The following FARS2 variants were observed in gnomAD, a reference collection of about 807,000 sequenced individuals.
FARS2 encodes phenylalanyl-tRNA synthetase 2, mitochondrial, also known as phenylalanine--tRNA ligase, mitochondrial.
In FARS2, 40 loss-of-function variants were observed where a neutral mutation model predicts 46.4. The observed-to-expected ratio is 0.86, with a 90% CI of 0.67 to 1.12. The LOEUF (loss-of-function observed/expected upper bound fraction) is 1.12. Among genes scored for constraint, FARS2 ranks in the 50% most tolerant of loss-of-function variants. The pLI is 0.00. For missense variants in FARS2, 513 were observed against 567.9 expected (o/e 0.90, Z 0.98); for synonymous variants, 234 against 214.9 (o/e 1.09, Z -0.78).
chr6:5,614,225 C>T (rs1207512090), intron 6 of FARS2, among the ~76,000 whole-genome samples: 1 of 152,134 alleles, frequency 6.6e-6, no homozygotes, highest in Non-Finnish European at 1.5e-5. Flanking sequence ...TGACTGGTCA[C>T]CTTTAAATGG....
At chr6:5,473,085 C>T (rs770286032) in intron 4 of FARS2, among the ~76,000 whole-genome samples, 6 of 152,096 alleles carry the variant, frequency 3.9e-5, no homozygotes, top group Non-Finnish European at 8.8e-5. Flanking sequence ...GTTTTGTTCT[C>T]GTTTAGATGT....
chr6:5,572,171 C>T (rs1389279036), intron 5 of FARS2, among the ~76,000 whole-genome samples: 1 of 152,142 alleles, frequency 6.6e-6, no homozygotes, highest in Non-Finnish European at 1.5e-5. Flanking sequence ...CACAGTTCTG[C>T]TGGCTATTCA....
chr6:5,525,580 A>G (rs1037625272), intron 4 of FARS2, among the ~76,000 whole-genome samples: 11 of 152,232 alleles, frequency 7.2e-5, no homozygotes, highest in African/African-American at 2.2e-4. Flanking sequence ...GTTAGAGTTA[A>G]GTCTTATAAA....
At chr6:5,292,492 G>A (rs1265202738) in intron 1 of FARS2, among the ~76,000 whole-genome samples, 1 of 152,162 alleles carries the variant, frequency 6.6e-6, no homozygotes, top group Non-Finnish European at 1.5e-5. Flanking sequence ...AAGTAATCAG[G>A]CCTGGCCCCT....
At chr6:5,657,956 C>T (rs886409308) in intron 6 of FARS2, among the ~76,000 whole-genome samples, 11 of 152,144 alleles carry the variant, frequency 7.2e-5, no homozygotes, top group African/African-American at 2.4e-4. Flanking sequence ...ATAAAAATGC[C>T]TTCCTCATAA....
At chr6:5,420,284 C>G (rs1459239186) in intron 3 of FARS2, among the ~76,000 whole-genome samples, 1 of 152,142 alleles carries the variant, frequency 6.6e-6, no homozygotes, top group Non-Finnish European at 1.5e-5. Flanking sequence ...CATTCCATCC[C>G]TGGCCCCTCC....
intron 4 of FARS2, among the ~76,000 whole-genome samples, chr6:5,491,034 C>T (rs762637051): frequency 6.6e-6 from 1 of 152,208 alleles, no homozygotes; most frequent in Non-Finnish European, 1.5e-5. Flanking sequence ...AATTTGTTTA[C>T]ACATCAATAG....
intron 2 of FARS2, among the ~76,000 whole-genome samples, chr6:5,384,551 C>G (rs62385366): frequency 6.6e-6 from 1 of 152,048 alleles, no homozygotes; most frequent in Non-Finnish European, 1.5e-5. Context: ...GGTCACTAAG[C>G]AAGGAACTGA....
the FARS2 span, among the ~76,000 whole-genome samples, chr6:5,250,934 T>C: frequency 1.3e-5 from 2 of 152,222 alleles, no homozygotes; most frequent in South Asian, 4.1e-4. Flanking sequence ...TTAAAAAATA[T>C]TTCTGTAATA....
At position 5,613,266 on chromosome 6, in the gene FARS2, T is replaced by A. The variant is rs1407198979; in HGVS notation, c.1163T>A (p.Ile388Asn). 1 of 1,613,622 alleles carries A rather than the reference T, an allele frequency of 6.2e-7. No homozygotes were observed. Among genetic ancestry groups the A allele is most frequent in the Non-Finnish European group, 8.5e-7 (1 of 1,179,740 alleles). Reference protein sequence around the residue: ...ENDFYDLVRTIGGDLVEKVDL... With the variant: ...ENDFYDLVRTNGGDLVEKVDL... ...GATTTCTATGACTTAGTCCGAACAA[T>A]TGGAGGAGACCTGGTGGAAAAGGTT... is the stretch of plus-strand genomic sequence containing the variant. Residue 388 changes from isoleucine to asparagine, a missense_variant, in exon 6 of 7, where the codon ATT becomes AAT. Coordinates refer to ENST00000274680, the MANE Select transcript of FARS2 (RefSeq NM_006567.5).
chr6:5,300,861 T>G (rs960882942), intron 1 of FARS2, among the ~76,000 whole-genome samples: 2 of 151,896 alleles, frequency 1.3e-5, no homozygotes, highest in African/African-American at 4.8e-5. Context: ...AAAAAATTTT[T>G]TTTTGTAGAG....
intron 5 of FARS2, among the ~76,000 whole-genome samples, chr6:5,599,696 GA>G (rs1213412009): frequency 6.6e-6 from 1 of 152,150 alleles, no homozygotes; most frequent in Non-Finnish European, 1.5e-5. Flanking sequence ...GTCAATTTTA[GA>G]ACATTTTCAT....
intron 5 of FARS2, among the ~76,000 whole-genome samples, chr6:5,580,289 C>CAA (rs35150084): frequency 0.52 from 54,291 of 104,732 alleles, 14,016 homozygotes; most frequent in Non-Finnish European, 0.57. Flanking sequence ...GACTCCGTCT[C>CAA]AAAAAAAAAA....
At chr6:5,381,013 TATTA>T (rs199777314) in intron 2 of FARS2, among the ~76,000 whole-genome samples, 15,972 of 125,516 alleles carry the variant, frequency 0.13, 1,073 homozygotes, top group Middle Eastern at 0.2. Flanking sequence ...TTTATTTATT[TATTA>T]TGAGACAGAG....
At chr6:5,414,657 A>G (rs993169817) in intron 3 of FARS2, among the ~76,000 whole-genome samples, 2 of 151,960 alleles carry the variant, frequency 1.3e-5, no homozygotes, top group African/African-American at 4.8e-5. Context: ...GTATTCATCC[A>G]CCTATTGTTG....
intron 4 of FARS2, among the ~76,000 whole-genome samples, chr6:5,484,681 T>A (rs987346195): frequency 6.6e-6 from 1 of 152,152 alleles, no homozygotes; most frequent in South Asian, 2.1e-4. Flanking sequence ...AAAAGGATAG[T>A]TTGCTTTACT....
Position 5,471,134 on chromosome 6 carries a change from C to G in FARS2, c.904+39962C>G, listed in dbSNP as rs1765784223. ...GGGTTTCAGCCACTGAGAGACTGACCCAGAAGCAGCAGTAGAGGGCGCTCG... is the reference window on the plus strand; with the variant it reads ...GGGTTTCAGCCACTGAGAGACTGACGCAGAAGCAGCAGTAGAGGGCGCTCG... On this transcript the variant is annotated intron_variant, in intron 4 of 6. Transcript: ENST00000274680. The surrounding 1 kb of genome is among the most constrained non-coding windows in gnomAD (Gnocchi z 4.1). Among the ~76,000 whole-genome samples, 1 of 152,084 alleles carries G rather than the reference C, an allele frequency of 6.6e-6. No individual in the cohort carries two copies. The highest frequency in any genetic ancestry group is 2.4e-5 in the African/African-American group (1 of 41,408).
At chr6:5,332,008 A>C (rs558667868) in intron 1 of FARS2, among the ~76,000 whole-genome samples, 1 of 152,182 alleles carries the variant, frequency 6.6e-6, no homozygotes, top group Non-Finnish European at 1.5e-5. Flanking sequence ...ATGTTATTTC[A>C]TTGAGTTTTC....
At chr6:5,375,293 A>G (rs1001513929) in intron 2 of FARS2, among the ~76,000 whole-genome samples, 30 of 152,090 alleles carry the variant, frequency 2.0e-4, no homozygotes, top group Non-Finnish European at 3.5e-4. Context: ...TACCAAATAT[A>G]ATAACACATT....
Sources: gnomAD v4.1 joint callset for allele counts (sites outside exome capture counted in the v4.1 genomes callset) on GRCh38, gnomAD v4.1.1 for gene constraint, Gnocchi (gnomAD v3.1) non-coding constraint, MANE v1.5 for transcripts, NCBI Gene and HGNC (gene_info 2026-07-23, HGNC 2026-07-21) for gene names.